Variants in NEXN observed in about 807,000 individuals in gnomAD.
NEXN encodes nexilin F-actin binding protein.
A neutral mutation model predicts 92.6 loss-of-function variants in NEXN; 65 were observed. The observed-to-expected ratio is 0.70, with a 90% CI of 0.57 to 0.86. The LOEUF is 0.86. NEXN is among the 40% of genes least tolerant of loss of function. NEXN has a pLI of 0.00. For missense variants in NEXN, 778 were observed against 771.1 expected (o/e 1.01, Z -0.11); for synonymous variants, 254 against 242.5 (o/e 1.05, Z -0.44).
intron 1 of NEXN, among the ~76,000 whole-genome samples, chr1:77,892,052 C>T (rs904149466): frequency 2.0e-5 from 3 of 151,516 alleles, no homozygotes; most frequent in Admixed American, 6.6e-5. Flanking sequence ...CACTGCACTC[C>T]AGCCTAAGCA....
At chr1:77,931,615 ACC>A (rs1453840731) in intron 9 of NEXN, 4 of 152,036 alleles carry the variant, frequency 2.6e-5, no homozygotes, top group African/African-American at 9.7e-5. Context: ...AAGAGAGAAA[ACC>A]TTCCTCTTAC....
At chr1:77,931,580 G>A (rs1274438898) in intron 9 of NEXN, 1 of 152,070 alleles carries the variant, frequency 6.6e-6, no homozygotes, top group Non-Finnish European at 1.5e-5. Flanking sequence ...ACAAAACCAA[G>A]TTTCCTAAAG....
chr1:77,935,078 G>C (rs1650637616), intron 10 of NEXN, among the ~76,000 whole-genome samples: 1 of 152,104 alleles, frequency 6.6e-6, no homozygotes, highest in Admixed American at 6.5e-5. Context: ...TTTTTTGTTT[G>C]TTTGAGACAA....
At chr1:77,913,152 C>T (rs556665799) in intron 1 of NEXN, among the ~76,000 whole-genome samples, 26 of 152,280 alleles carry the variant, frequency 1.7e-4, no homozygotes, top group African/African-American at 4.3e-4. Context: ...CAGTGGCTCA[C>T]GCCTGCAATC....
At chr1:77,910,395 C>T (rs1006622897) in intron 1 of NEXN, among the ~76,000 whole-genome samples, 2 of 151,906 alleles carry the variant, frequency 1.3e-5, no homozygotes, top group East Asian at 3.9e-4. Context: ...CTGTGCTCAC[C>T]GATGATGTGA....
At chr1:77,890,859 T>C (rs918514082) in intron 1 of NEXN, among the ~76,000 whole-genome samples, 1 of 152,160 alleles carries the variant, frequency 6.6e-6, no homozygotes, top group Non-Finnish European at 1.5e-5. Flanking sequence ...TAAACGTTTT[T>C]ATAGAAGAGA....
intron 1 of NEXN, among the ~76,000 whole-genome samples, chr1:77,891,927 T>G (rs1179822439): frequency 6.6e-6 from 1 of 151,150 alleles, no homozygotes; most frequent in African/African-American, 2.4e-5. Flanking sequence ...TACAAAAAAT[T>G]TAAAAATTAG....
At chr1:77,918,668 GAAAA>G (rs376219706) in intron 5 of NEXN, among the ~76,000 whole-genome samples, 110 of 77,176 alleles carry the variant, frequency 1.4e-3, no homozygotes, top group Admixed American at 4.5e-3. Flanking sequence ...CTATCTCAAA[GAAAA>G]AAAAAAAAAA....
intron 1 of NEXN, among the ~76,000 whole-genome samples, chr1:77,890,652 T>C (rs1482420666): frequency 6.6e-6 from 1 of 152,130 alleles, no homozygotes; most frequent in African/African-American, 2.4e-5. Flanking sequence ...AAGACATTAA[T>C]TGGGGATTCA....
intron 2 of NEXN, among the ~76,000 whole-genome samples, chr1:77,917,365 A>C (rs558657123): frequency 6.6e-6 from 1 of 152,186 alleles, no homozygotes; most frequent in African/African-American, 2.4e-5. Context: ...TTCTACTCTC[A>C]TATTTTCTGT....
chr1:77,931,231 CAAAAAAAAA>C (rs367898061), intron 9 of NEXN, among the ~76,000 whole-genome samples: 5 of 120,568 alleles, frequency 4.1e-5, no homozygotes, highest in African/African-American at 1.1e-4. Context: ...ACTAAAAATA[CAAAAAAAAA>C]AAAAAAAAAA....
chr1:77,899,734 G>A (rs934481843), intron 1 of NEXN, among the ~76,000 whole-genome samples: 1 of 151,882 alleles, frequency 6.6e-6, no homozygotes, highest in Admixed American at 6.6e-5. Context: ...TTGACTTTTT[G>A]TTCCCTTTCA....
chr1:77,940,615 A>C (rs1007759214), intron 11 of NEXN, among the ~76,000 whole-genome samples: 1 of 152,236 alleles, frequency 6.6e-6, no homozygotes, highest in Admixed American at 6.5e-5. Context: ...GGAGGGACTC[A>C]GAATAGCAAT....
At chr1:77,937,154 A>G (rs1780049) in intron 11 of NEXN, among the ~76,000 whole-genome samples, 3,668 of 151,832 alleles carry the variant, frequency 0.024, 56 homozygotes, top group Non-Finnish European at 0.036. Context: ...AAAAATACAA[A>G]TTATCCGAGC....
intron 5 of NEXN, among the ~76,000 whole-genome samples, chr1:77,922,691 G>A (rs1649525272): frequency 6.6e-6 from 1 of 150,680 alleles, no homozygotes; most frequent in Non-Finnish European, 1.5e-5. Flanking sequence ...TGCGCCTCCT[G>A]GGTTCATGCC....
chr1:77,921,303 C>T (rs1649399058), intron 5 of NEXN, among the ~76,000 whole-genome samples: 1 of 151,830 alleles, frequency 6.6e-6, no homozygotes. Flanking sequence ...GCCACTGCAC[C>T]AAAACAAACA....
chr1:77,934,582 T>C (rs891854212), intron 10 of NEXN, among the ~76,000 whole-genome samples: 10 of 152,254 alleles, frequency 6.6e-5, no homozygotes, highest in Admixed American at 5.2e-4. Flanking sequence ...CTCCCTGGAA[T>C]GGGTTTTCAT....
In NEXN at chr1:77,935,842, C is replaced by A. The variant is rs200442502; in HGVS notation, c.1271C>A (p.Thr424Asn). The A allele has an allele frequency of 6.2e-7, 1 of 1,612,422 alleles. No individual in the cohort carries two copies. The highest frequency in any genetic ancestry group is 8.5e-7 in the Non-Finnish European group (1 of 1,179,696). Residue 424 changes from threonine to asparagine, a missense_variant, in exon 11 of 13, where the codon ACC becomes AAC. Transcript: ENST00000334785. ...EMGEEEEENETFGLSREYEEL... is the reference protein window; with the variant it reads ...EMGEEEEENENFGLSREYEEL... ...TTGAAGGAAGAGGAAGAAAATGAAA[C>A]CTTTGGATTGAGCAGAGAATATGAA...
intron 11 of NEXN, among the ~76,000 whole-genome samples, chr1:77,941,218 G>C (rs1408211567): frequency 6.6e-6 from 1 of 151,914 alleles, no homozygotes; most frequent in Non-Finnish European, 1.5e-5. Context: ...ATCCACAAAT[G>C]CCTAGGTAGT....
Sources: gnomAD v4.1 joint callset for allele counts (sites outside exome capture counted in the v4.1 genomes callset) on GRCh38, gnomAD v4.1.1 for gene constraint, MANE v1.5 for transcripts, NCBI Gene and HGNC (gene_info 2026-07-23, HGNC 2026-07-21) for gene names.